The following SLIT3 variants were observed in gnomAD, a reference collection of about 807,000 sequenced individuals.
SLIT3 encodes slit guidance ligand 3, also known as slit homolog 3 protein.
Under a neutral mutation model 184.0 loss-of-function variants are expected in SLIT3, and 68 were observed. The observed-to-expected ratio is 0.37, with a 90% CI of 0.30 to 0.45. The LOEUF (loss-of-function observed/expected upper bound fraction) is 0.45. Among genes scored for constraint, SLIT3 ranks in the 20% least tolerant of loss-of-function variants. The pLI is 1.00. For missense variants in SLIT3, 1,707 were observed against 2,026.0 expected (o/e 0.84, Z 3.02); for synonymous variants, 831 against 828.6 (o/e 1.00, Z -0.05).
chr5:169,226,121 G>A (rs1405901132), intron 3 of SLIT3, among the ~76,000 whole-genome samples: 1 of 152,094 alleles, frequency 6.6e-6, no homozygotes, highest in Admixed American at 6.5e-5. Flanking sequence ...CCAGCCCCTG[G>A]GTGTAACGAT....
chr5:169,100,588 C>G (rs952613078), intron 4 of SLIT3, among the ~76,000 whole-genome samples: 12 of 152,128 alleles, frequency 7.9e-5, no homozygotes, highest in African/African-American at 2.9e-4. Context: ...TAAGTCATTC[C>G]TTCAGATCCT....
chr5:168,718,425 G>C (rs1400964166), intron 23 of SLIT3, among the ~76,000 whole-genome samples: 1 of 152,052 alleles, frequency 6.6e-6, no homozygotes, highest in African/African-American at 2.4e-5. Flanking sequence ...CTGATTCCAG[G>C]TGGCCCTCCT....
chr5:168,674,153 C>G (rs997054063), intron 32 of SLIT3, among the ~76,000 whole-genome samples: 54 of 152,174 alleles, frequency 3.5e-4, no homozygotes, highest in African/African-American at 1.2e-3. Context: ...ATGCATGCCA[C>G]TTTTGGGGAA....
chr5:168,787,757 C>T (rs75845665), intron 11 of SLIT3, among the ~76,000 whole-genome samples: 68 of 152,116 alleles, frequency 4.5e-4, no homozygotes, highest in African/African-American at 1.5e-3. Flanking sequence ...GAGTCTAGCA[C>T]GATAAATATT....
rs992561252 is a variant in SLIT3, at chr5:169,148,951, C to A, written c.413+44528G>T. 3.9e-5 allele frequency among the ~76,000 whole-genome samples: 6 copies of A among 152,052 alleles called. No homozygotes were observed. In the East Asian group the frequency reaches 1.2e-3, roughly 29 times the overall value. On this transcript the variant is annotated intron_variant, in intron 4 of 35. Transcript: ENST00000519560. ...TATCCCAGACGCTGTGCTCAGTGTA[C>A]ATCTACTATTCACAGAAGTCCTTTA... is the stretch of plus-strand genomic sequence containing the variant.
chr5:168,832,630 G>T (rs556023474), intron 6 of SLIT3, among the ~76,000 whole-genome samples: 2 of 152,286 alleles, frequency 1.3e-5, no homozygotes, highest in South Asian at 2.1e-4. Context: ...AGTGAGCTGC[G>T]TGGGGACTGT....
intron 12 of SLIT3, among the ~76,000 whole-genome samples, chr5:168,784,884 C>A (rs1408347326): frequency 6.6e-6 from 1 of 152,112 alleles, no homozygotes; most frequent in Non-Finnish European, 1.5e-5. Flanking sequence ...CACACACACA[C>A]ACACGCACAC....
intron 5 of SLIT3, among the ~76,000 whole-genome samples, chr5:168,861,382 G>C (rs1203978091): frequency 6.6e-6 from 1 of 151,580 alleles, no homozygotes; most frequent in Non-Finnish European, 1.5e-5. Flanking sequence ...AATTCCATGC[G>C]TGTCCGTCCC....
chr5:169,140,872 T>C (rs964301293), intron 4 of SLIT3, among the ~76,000 whole-genome samples: 17 of 152,290 alleles, frequency 1.1e-4, no homozygotes, highest in African/African-American at 3.8e-4. Context: ...CAGTGGTTCC[T>C]CACTGCCTTC....
At chr5:168,761,019 C>T in intron 15 of SLIT3, 83 bp from the exon 16 acceptor site, 3 of 1,015,342 alleles carry the variant, frequency 3.0e-6, no homozygotes, top group South Asian at 2.6e-5. Context: ...TGCATTGCTG[C>T]CTGAACCTCA....
At chr5:168,730,461 A>G (rs551932987) in intron 20 of SLIT3, among the ~76,000 whole-genome samples, 1 of 152,218 alleles carries the variant, frequency 6.6e-6, no homozygotes, top group Non-Finnish European at 1.5e-5. Context: ...TCTCCAAGAT[A>G]GACCACAAGT....
At chr5:168,833,326 C>T (rs1296107690) in intron 6 of SLIT3, among the ~76,000 whole-genome samples, 2 of 152,338 alleles carry the variant, frequency 1.3e-5, no homozygotes, top group Admixed American at 6.5e-5. Context: ...GCTTTTTATC[C>T]TCTGATATTT....
At chr5:168,776,661 TC>T (rs1755758636) in intron 12 of SLIT3, among the ~76,000 whole-genome samples, 2 of 151,970 alleles carry the variant, frequency 1.3e-5, no homozygotes, top group Admixed American at 6.6e-5. Flanking sequence ...GCAACATCCC[TC>T]CCCCCTGCAA....
At chr5:169,133,454 C>CT (rs1761379214) in intron 4 of SLIT3, among the ~76,000 whole-genome samples, 1 of 152,188 alleles carries the variant, frequency 6.6e-6, no homozygotes. Flanking sequence ...TGGGAATTGG[C>CT]TTGCCAACAG....
At chr5:169,174,486 G>A (rs1326278061) in intron 4 of SLIT3, among the ~76,000 whole-genome samples, 3 of 152,158 alleles carry the variant, frequency 2.0e-5, no homozygotes, top group African/African-American at 7.2e-5. Context: ...AAAGACTCTT[G>A]TTCTGGTTTT....
At chr5:169,212,070 T>C (rs75167358) in intron 3 of SLIT3, among the ~76,000 whole-genome samples, 1 of 152,348 alleles carries the variant, frequency 6.6e-6, no homozygotes, top group African/African-American at 2.4e-5. Context: ...TGAATAGTGC[T>C]GCAATAAACA....
At chr5:168,748,199 G>A (rs1754558489) in intron 20 of SLIT3, 103 bp downstream of exon 20, 2 of 1,306,944 alleles carry the variant, frequency 1.5e-6, no homozygotes, top group Non-Finnish European at 2.0e-6. Flanking sequence ...TCTCCCCCCG[G>A]CAGTTTCGCC....
chr5:169,003,065 T>C (rs937496438), intron 4 of SLIT3, among the ~76,000 whole-genome samples: 22 of 152,226 alleles, frequency 1.4e-4, no homozygotes, highest in African/African-American at 4.8e-4. Context: ...ACTGGGGTCA[T>C]AGATTCCTTT....
chr5:169,269,110 G>T (rs1766506436), intron 1 of SLIT3, among the ~76,000 whole-genome samples: 1 of 152,200 alleles, frequency 6.6e-6, no homozygotes, highest in African/African-American at 2.4e-5. Context: ...TAAACTCTCA[G>T]GGACTTGAAG....
Sources: allele counts gnomAD v4.1 joint callset (sites outside exome capture counted in the v4.1 genomes callset), GRCh38; gene constraint gnomAD v4.1.1; transcripts MANE v1.5; gene names NCBI Gene and HGNC (gene_info 2026-07-23, HGNC 2026-07-21).